Variants in LGSN observed in about 807,000 individuals in gnomAD.
LGSN encodes the protein lengsin.
A neutral mutation model predicts 19.5 loss-of-function variants in LGSN; 21 were observed. The observed-to-expected ratio is 1.07, with a 90% CI of 0.76 to 1.55. LGSN has a LOEUF of 1.55. LGSN is among the 40% of genes most tolerant of loss of function. The probability of loss-of-function intolerance (pLI) is 0.00; values close to 1 mark genes in which losing one functional copy is unlikely to be tolerated. For missense variants in LGSN, 673 were observed against 608.5 expected (o/e 1.11, Z -1.12); for synonymous variants, 257 against 215.6 (o/e 1.19, Z -1.68).
At chr6:63,500,704 A>T in the LGSN span, among the ~76,000 whole-genome samples, 3 of 151,028 alleles carry the variant, frequency 2.0e-5, no homozygotes, top group Non-Finnish European at 4.4e-5. Context: ...TACAGGCGTG[A>T]GCCATCACAC....
chr6:63,410,705 T>C, the LGSN span, among the ~76,000 whole-genome samples: 3 of 152,162 alleles, frequency 2.0e-5, no homozygotes, highest in South Asian at 4.1e-4. Flanking sequence ...TCCTTGGAAA[T>C]TGTTAAGCTA....
chr6:63,363,554 C>T, the LGSN span, among the ~76,000 whole-genome samples: 9 of 152,122 alleles, frequency 5.9e-5, no homozygotes, highest in Non-Finnish European at 1.2e-4. Context: ...GTGATACATG[C>T]ACAAGCTTCA....
intron 1 of LGSN, among the ~76,000 whole-genome samples, chr6:63,314,458 A>C (rs1197627291): frequency 6.6e-6 from 1 of 152,182 alleles, no homozygotes; most frequent in Non-Finnish European, 1.5e-5. Context: ...ATTAGCCCAA[A>C]CTGACTGAGA....
chr6:63,429,715 G>T, the LGSN span, among the ~76,000 whole-genome samples: 3 of 143,668 alleles, frequency 2.1e-5, no homozygotes, highest in African/African-American at 8.0e-5. Context: ...GAACTCCATG[G>T]ACAGAGCAAG....
At chr6:63,427,062 TC>T in the LGSN span, among the ~76,000 whole-genome samples, 2,611 of 149,080 alleles carry the variant, frequency 0.018, 24 homozygotes, top group Non-Finnish European at 0.03. Context: ...TTTTTTTTTC[TC>T]CTGAGACAGA....
At chr6:63,302,819 C>G (rs1562014233) in intron 1 of LGSN, among the ~76,000 whole-genome samples, 1 of 152,060 alleles carries the variant, frequency 6.6e-6, no homozygotes, top group Non-Finnish European at 1.5e-5. Context: ...GTAATTAAAA[C>G]TGCCATCATT....
chr6:63,501,848 G>A, the LGSN span, among the ~76,000 whole-genome samples: 1 of 152,162 alleles, frequency 6.6e-6, no homozygotes, highest in South Asian at 2.1e-4. Flanking sequence ...CCAGGCTAGA[G>A]TGCAGTGGCA....
At chr6:63,283,645 A>G (rs1476999684) in intron 3 of LGSN, among the ~76,000 whole-genome samples, 1 of 147,518 alleles carries the variant, frequency 6.8e-6, no homozygotes. Context: ...GAGATGGAAT[A>G]AGGTACACAC....
chr6:63,366,831 C>A, the LGSN span, among the ~76,000 whole-genome samples: 18,112 of 149,024 alleles, frequency 0.12, 2,523 homozygotes, highest in African/African-American at 0.34. Context: ...CGAAAACAAG[C>A]AATGGGGAAA....
intron 2 of LGSN, among the ~76,000 whole-genome samples, chr6:63,286,856 G>T (rs183303136): frequency 3.3e-5 from 5 of 152,242 alleles, no homozygotes; most frequent in Admixed American, 2.0e-4. Flanking sequence ...TACTTCATAG[G>T]CTTGTTATGA....
At chr6:63,356,989 AC>A in the LGSN span, among the ~76,000 whole-genome samples, 1 of 54,914 alleles carries the variant, frequency 1.8e-5, no homozygotes, top group Non-Finnish European at 3.5e-5. Context: ...CCCTCCCCCC[AC>A]CCCACAACAG....
the LGSN span, among the ~76,000 whole-genome samples, chr6:63,418,412 T>C: frequency 6.6e-6 from 1 of 152,046 alleles, no homozygotes; most frequent in African/African-American, 2.4e-5. Context: ...AATACAAAAA[T>C]TAGCTGAGCG....
At chr6:63,474,162 G>T in the LGSN span, among the ~76,000 whole-genome samples, 42 of 152,320 alleles carry the variant, frequency 2.8e-4, no homozygotes, top group Middle Eastern at 3.4e-3. Flanking sequence ...CTTTTTAGAA[G>T]CTGCCTGTAC....
the LGSN span, among the ~76,000 whole-genome samples, chr6:63,494,213 G>A: frequency 6.6e-6 from 1 of 152,056 alleles, no homozygotes; most frequent in South Asian, 2.1e-4. Flanking sequence ...GCCTCCTAAA[G>A]TGCTGAGATT....
the LGSN span, among the ~76,000 whole-genome samples, chr6:63,494,518 A>G: frequency 3.9e-5 from 6 of 152,178 alleles, no homozygotes; most frequent in African/African-American, 1.4e-4. Flanking sequence ...TTAATTACAG[A>G]TTCATATTTG....
the LGSN span, among the ~76,000 whole-genome samples, chr6:63,470,492 A>C: frequency 6.6e-6 from 1 of 152,002 alleles, no homozygotes; most frequent in Middle Eastern, 3.4e-3. Flanking sequence ...AAAAAAAGAA[A>C]GAAAAGAAAA....
At chr6:63,341,709 G>A in the LGSN span, among the ~76,000 whole-genome samples, 1 of 152,128 alleles carries the variant, frequency 6.6e-6, no homozygotes, top group Non-Finnish European at 1.5e-5. Context: ...ATTTGAGAAT[G>A]TCAGTGGGGG....
At chr6:63,344,098 G>A in the LGSN span, among the ~76,000 whole-genome samples, 1 of 152,128 alleles carries the variant, frequency 6.6e-6, no homozygotes, top group Non-Finnish European at 1.5e-5. Flanking sequence ...CAAAACATTG[G>A]TTTTGGCCTT....
At chr6:63,304,827 G>A (rs78721657) in intron 1 of LGSN, among the ~76,000 whole-genome samples, 5,036 of 152,116 alleles carry the variant, frequency 0.033, 283 homozygotes, top group African/African-American at 0.12. Flanking sequence ...TCTTTGACTG[G>A]AATGACAAAA....
Sources: gnomAD v4.1 joint callset for allele counts (sites outside exome capture counted in the v4.1 genomes callset) on GRCh38, gnomAD v4.1.1 for gene constraint, MANE v1.5 for transcripts, NCBI Gene and HGNC (gene_info 2026-07-23, HGNC 2026-07-21) for gene names.